ZFHX3: variants seen among roughly 807,000 people sequenced by gnomAD.
ZFHX3 encodes the protein zinc finger homeobox 3.
In ZFHX3, 42 loss-of-function variants were observed where a neutral mutation model predicts 279.1. The observed-to-expected ratio is 0.15, with a 90% CI of 0.12 to 0.19. The LOEUF is 0.19. Among genes scored for constraint, ZFHX3 ranks in the 10% least tolerant of loss-of-function variants. The pLI, the probability that ZFHX3 is intolerant of heterozygous loss-of-function variation, is 1.00. For synonymous variants in ZFHX3, 2,293 were observed against 1,957.8 expected (o/e 1.17, Z -4.52); for missense variants, 4,981 against 4,754.0 (o/e 1.05, Z -1.40).
Position 72,796,488 on chromosome 16 carries a change from G to T in ZFHX3, c.6194C>A (p.Pro2065His). 6.2e-7 allele frequency: 1 copy of T among 1,608,608 alleles called. No homozygotes were observed. The highest frequency in any genetic ancestry group is 8.5e-7 in the Non-Finnish European group (1 of 1,179,756). ...PPQPASTPAIPASAPPITSPT... is the reference protein window; with the variant it reads ...PPQPASTPAIHASAPPITSPT... ...TGAGGTGATGGGTGGGGCTGATGCGGGGATGGCTGGTGTGGACGCCGGCTG... is the reference window on the plus strand; with the variant it reads ...TGAGGTGATGGGTGGGGCTGATGCGTGGATGGCTGGTGTGGACGCCGGCTG... Residue 2065 changes from proline (P) to histidine (H), a missense_variant, in exon 9 of 10, where the codon CCC (proline) becomes CAC (histidine). Around this residue, in one of 7 missense-constraint regions of ZFHX3, gnomAD observed 1,751 missense variants for 1,770.0 expected, o/e 0.99. Coordinates refer to ENST00000268489, the MANE Select transcript of ZFHX3 (RefSeq NM_006885.4).
rs138783396 is a variant in ZFHX3 at position 72,819,554 on chromosome 16, C to T, written c.3530-7516G>A. 8.5e-3 allele frequency among the ~76,000 whole-genome samples: 1,300 copies of T among 152,216 alleles called. 12 individuals carry two copies. Among genetic ancestry groups the T allele is most frequent in the Non-Finnish European group, 0.011 (748 of 68,006 alleles). On this transcript the variant is annotated intron_variant, in intron 5 of 9. Coordinates refer to ENST00000268489, the MANE Select transcript of ZFHX3 (RefSeq NM_006885.4). Reference sequence around the variant, plus strand: ...AAGTTCCCAAGTAATGCTGATGGTCCAGGGACGACACTTTGAGAACAGTGG... The same window carrying T: ...AAGTTCCCAAGTAATGCTGATGGTCTAGGGACGACACTTTGAGAACAGTGG...
intron 4 of ZFHX3, among the ~76,000 whole-genome samples, chr16:72,863,365 A>AT (rs2037932112): frequency 6.6e-6 from 1 of 150,788 alleles, no homozygotes; most frequent in African/African-American, 2.4e-5. Flanking sequence ...AAAAAAAAAA[A>AT]AATTTAGCCA....
chr16:73,810,746 T>C (rs1260213117), intron 1 of ZFHX3, among the ~76,000 whole-genome samples: 1 of 152,140 alleles, frequency 6.6e-6, no homozygotes, highest in African/African-American at 2.4e-5. Flanking sequence ...TAGAACTGAA[T>C]TCAAGTCTAG....
At chr16:73,393,607 G>T (rs1414879806) in intron 3 of ZFHX3, among the ~76,000 whole-genome samples, 1 of 152,152 alleles carries the variant, frequency 6.6e-6, no homozygotes, top group Non-Finnish European at 1.5e-5. Context: ...TCCTTCTCAC[G>T]TGAATCTTCC....
At chr16:73,047,590 C>T (rs1473279551) in intron 1 of ZFHX3, among the ~76,000 whole-genome samples, 162 bp downstream of exon 1, 1 of 152,160 alleles carries the variant, frequency 6.6e-6, no homozygotes, top group African/African-American at 2.4e-5. Context: ...AATTTAGGCG[C>T]TCTCACCCTA....
At chr16:73,312,173 G>A (rs2015343513) in intron 4 of ZFHX3, among the ~76,000 whole-genome samples, 1 of 152,054 alleles carries the variant, frequency 6.6e-6, no homozygotes, top group East Asian at 1.9e-4. Flanking sequence ...TAAGGAGCTT[G>A]AAATTGTGTC....
At chr16:73,305,078 TA>T (rs11341402) in intron 4 of ZFHX3, among the ~76,000 whole-genome samples, 89,835 of 150,546 alleles carry the variant, frequency 0.6, 27,322 homozygotes, top group Middle Eastern at 0.67. Flanking sequence ...AATAAAAAAT[TA>T]AAAAAAAAAG....
intron 1 of ZFHX3, among the ~76,000 whole-genome samples, chr16:73,682,040 G>T (rs1371774846): frequency 6.6e-6 from 1 of 152,148 alleles, no homozygotes; most frequent in East Asian, 1.9e-4. Flanking sequence ...CATAATGGAT[G>T]CTTAACAAAT....
rs1021483741 is a variant in ZFHX3, at chr16:73,622,341, G to A, written c.-1547+57839C>T. On this transcript the variant is annotated intron_variant, in intron 2 of 17. Coordinates refer to the ZFHX3 transcript ENST00000641206. ...TGGGAGGCTCAGGCGGGTGGATCACGAGGTCAGGAGATCGAGACCATCCTG... is the reference window on the plus strand; with the variant it reads ...TGGGAGGCTCAGGCGGGTGGATCACAAGGTCAGGAGATCGAGACCATCCTG... Among the ~76,000 whole-genome samples, 7 of 152,150 alleles carry A rather than the reference G, an allele frequency of 4.6e-5. No individual in the cohort carries two copies. In the East Asian group the frequency reaches 5.8e-4, roughly 13 times the overall value.
chr16:73,318,992 G>GCTGAGCCTGCGGTCGGCCCACA (rs1245612363), intron 3 of ZFHX3, among the ~76,000 whole-genome samples: 1 of 151,974 alleles, frequency 6.6e-6, no homozygotes, highest in African/African-American at 2.4e-5. Context: ...CTTGTCTGCA[G>GCTGAGCCTGCGGTCGGCCCACA]CTGAGCCTGC....
At chr16:73,365,704 A>G (rs931197171) in intron 3 of ZFHX3, among the ~76,000 whole-genome samples, 16 of 152,206 alleles carry the variant, frequency 1.1e-4, no homozygotes, top group Admixed American at 7.9e-4. Flanking sequence ...ACAGATCTGT[A>G]TCAGCCCTCT....
chr16:73,059,174 AG>A (rs1161901810), exon 1 of ZFHX3: 2 of 150,230 alleles, frequency 1.3e-5, no homozygotes, highest in Non-Finnish European at 3.0e-5. Context: ...TCAGCAAAAA[AG>A]AAAAGGGGGA....
At chr16:73,269,960 G>T (rs1597253984) in intron 4 of ZFHX3, among the ~76,000 whole-genome samples, 1 of 151,912 alleles carries the variant, frequency 6.6e-6, no homozygotes, top group Admixed American at 6.6e-5. Flanking sequence ...GTTGGCCAGG[G>T]TGGTCTCGAA....
rs1450227899 is a variant in ZFHX3, at chr16:73,127,620, A to G, written c.-897+3348T>C. 3.1e-6 allele frequency: 4 copies of G among 1,290,262 alleles called. 1 individual carries two copies. The Admixed American group carries it at 9.6e-5, about 31-fold the overall frequency. 79.9% of individuals were successfully genotyped at this position (1,290,262 alleles called of 1,614,324 possible). ...GAGCACTGCTGGCAGGCAAGAAAGG[A>G]ACAGGGTGCAGACTGGATGTTATGG... On this transcript the variant is annotated intron_variant, in intron 7 of 17. Transcript: ENST00000641206.
intron 2 of ZFHX3, among the ~76,000 whole-genome samples, chr16:73,599,928 G>A (rs1240879379): frequency 6.6e-6 from 1 of 152,138 alleles, no homozygotes; most frequent in Non-Finnish European, 1.5e-5. Flanking sequence ...CTTGGAGTTT[G>A]CTGCAGATGT....
intron 1 of ZFHX3, among the ~76,000 whole-genome samples, chr16:73,823,599 T>G (rs1351622526): frequency 6.6e-6 from 1 of 152,212 alleles, no homozygotes; most frequent in Non-Finnish European, 1.5e-5. Flanking sequence ...AATAAAGCTG[T>G]ACTGAAATAC....
chr16:72,928,168 G>A (rs1244915456), intron 3 of ZFHX3, among the ~76,000 whole-genome samples: 3 of 69,070 alleles, frequency 4.3e-5, no homozygotes, highest in African/African-American at 1.3e-4. Flanking sequence ...GGGAGAGAGG[G>A]AGGGGGAGGG....
chr16:73,762,698 C>T (rs2053883597), intron 1 of ZFHX3, among the ~76,000 whole-genome samples: 1 of 152,062 alleles, frequency 6.6e-6, no homozygotes, highest in Admixed American at 6.6e-5. Flanking sequence ...GAGCAAGAAG[C>T]CATTATCCTC....
In ZFHX3 at chr16:72,793,804, C is replaced by A. The variant is rs1218110132; in HGVS notation, c.8878G>T (p.Val2960Phe). The A allele has an allele frequency of 1.2e-6, 2 of 1,614,162 alleles. No homozygotes were observed. Among genetic ancestry groups the A allele is most frequent in the Non-Finnish European group, 1.7e-6 (2 of 1,180,034 alleles). The change falls in exon 9 of 10, where the codon GTC (valine) becomes TTC (phenylalanine). Residue 2960 changes from valine (V) to phenylalanine (F), a missense_variant. Val to Phe is a conservative substitution (Grantham distance 50, BLOSUM62 -1). Around this residue, in one of 7 missense-constraint regions of ZFHX3, gnomAD observed 168 missense variants for 249.1 expected, o/e 0.67. Coordinates refer to ENST00000268489, the MANE Select transcript of ZFHX3 (RefSeq NM_006885.4). The surrounding 1 kb of genome is among the most constrained non-coding windows in gnomAD (Gnocchi z 4.3). Reference sequence around the variant, plus strand: ...TAGTCATTAAAGCATGACTTGAGGACCTTCAGCTGCAGATTGGTCATTTGA... The same window carrying A: ...TAGTCATTAAAGCATGACTTGAGGAACTTCAGCTGCAGATTGGTCATTTGA... ...RTQMTNLQLK[V>F]LKSCFNDYRT...
Sources: gnomAD v4.1 joint callset for allele counts (sites outside exome capture counted in the v4.1 genomes callset) on GRCh38, gnomAD v4.1.1 for gene constraint, gnomAD v4.1.1 regional missense constraint, Gnocchi (gnomAD v3.1) non-coding constraint, MANE v1.5 for transcripts, NCBI Gene and HGNC (gene_info 2026-07-23, HGNC 2026-07-21) for gene names.